PTPRF: variants seen among roughly 807,000 people sequenced by gnomAD.
The protein encoded by PTPRF is protein tyrosine phosphatase receptor type F, also known as receptor-type tyrosine-protein phosphatase F.
A neutral mutation model predicts 201.8 loss-of-function variants in PTPRF; 59 were observed. The observed-to-expected ratio is 0.29, with a 90% CI of 0.24 to 0.36. The LOEUF is 0.36. Ranked by LOEUF, PTPRF falls within the 10% of genes least tolerant of loss-of-function variation. PTPRF has a pLI of 1.00. For synonymous variants in PTPRF, 1,088 were observed against 1,089.7 expected, an observed-to-expected ratio of 1.00 and a Z score of 0.03; for missense variants, 2,132 against 2,690.5, an observed-to-expected ratio of 0.79 and a Z score of 4.59.
At chr1:43,533,999 A>G (rs1643865656) in intron 1 of PTPRF, among the ~76,000 whole-genome samples, 1 of 152,174 alleles carries the variant, frequency 6.6e-6, no homozygotes, top group Non-Finnish European at 1.5e-5. Context: ...GGGTTAGAAC[A>G]TTGCAAGAGT....
rs1379762089 is a variant in PTPRF, at chr1:43,537,679, G to T, written c.-125-519G>T. On this transcript the variant is annotated intron_variant, in intron 1 of 33. Coordinates refer to ENST00000359947, the MANE Select transcript of PTPRF (RefSeq NM_002840.5). This position sits in a 1 kb window ranked among gnomAD's most constrained non-coding sequence, Gnocchi z 4.8. Reference sequence around the variant, plus strand: ...AGGCTTCCCTGAGAAAGTGCCACTGGACTTGAGATCCGAGGGTAAGTTGGC... The same window carrying T: ...AGGCTTCCCTGAGAAAGTGCCACTGTACTTGAGATCCGAGGGTAAGTTGGC... Among the ~76,000 whole-genome samples the T allele has an allele frequency of 6.6e-6, 1 of 152,258 alleles. No individual in the cohort carries two copies. Among genetic ancestry groups the T allele is most frequent in the Admixed American group, 6.5e-5 (1 of 15,282 alleles).
chr1:43,618,663 A>G lies in PTPRF; in HGVS notation c.4405A>G (p.Thr1469Ala), dbSNP rs769260975. ...KCDQYWPARG[T>A]ETCGLIQVTL... ...TGATCAGTACTGGCCAGCCCGTGGCACCGAGACCTGTGGCCTTATTCAGGT... is the reference window on the plus strand; with the variant it reads ...TGATCAGTACTGGCCAGCCCGTGGCGCCGAGACCTGTGGCCTTATTCAGGT... Residue 1469 changes from threonine (T) to alanine (A), a missense_variant, in exon 26 of 34, where the codon ACC becomes GCC. Physicochemically the swap from Thr to Ala is moderately conservative, Grantham distance 58 (BLOSUM62 0). This residue lies in a region of PTPRF where 519 missense variants were observed against 659.5 expected (regional missense o/e 0.79). Transcript: ENST00000359947. 1.9e-6 allele frequency: 3 copies of G among 1,612,388 alleles called. No homozygotes were observed. The highest frequency in any genetic ancestry group is 2.5e-6 in the Non-Finnish European group (3 of 1,178,678).
intron 8 of PTPRF, among the ~76,000 whole-genome samples, chr1:43,590,089 C>T (rs1404448120): frequency 1.3e-5 from 2 of 152,196 alleles, no homozygotes; most frequent in Non-Finnish European, 2.9e-5. Context: ...TGGCTTCCCA[C>T]CCTGTCACGC....
In PTPRF at chr1:43,553,482, T is replaced by C; in HGVS notation, c.92-10T>C. On this transcript the variant is annotated splice_polypyrimidine_tract_variant and intron_variant, in intron 3 of 33. Transcript: ENST00000359947. This position sits in a 1 kb window ranked among gnomAD's most constrained non-coding sequence, Gnocchi z 4.1. ...GTGCTGTGGTGACTTGGTGTCTCCA[T>C]CTCTTCCAGGCAAACCTGTCTTCAT... 6.2e-7 allele frequency: 1 copy of C among 1,613,252 alleles called. No individual in the cohort carries two copies. The highest frequency in any genetic ancestry group is 8.5e-7 in the Non-Finnish European group (1 of 1,179,370).
In PTPRF at chr1:43,603,359, A is replaced by G; in HGVS notation, c.2341-57A>G. The G allele has an allele frequency of 6.7e-7, 1 of 1,502,160 alleles. No individual in the cohort carries two copies. The highest frequency in any genetic ancestry group is 9.3e-7 in the Non-Finnish European group (1 of 1,078,660). The allele number at this position is 1,502,160 out of a possible 1,614,324, so 93.1% of individuals were successfully genotyped here. On this transcript the variant is annotated intron_variant, in intron 14 of 33. Coordinates refer to ENST00000359947, the MANE Select transcript of PTPRF (RefSeq NM_002840.5). The surrounding 1 kb of genome is among the most constrained non-coding windows in gnomAD (Gnocchi z 5.8). ...GGCTAGGGTCCTGAGGTCCCTGACA[A>G]GGTCTGGCCTCTCCCTGCATTCTTG...
intron 3 of PTPRF, among the ~76,000 whole-genome samples, chr1:43,552,215 ATTCTTTGGCC>A (rs1181308199): frequency 2.0e-5 from 3 of 151,912 alleles, no homozygotes; most frequent in Non-Finnish European, 4.4e-5. Flanking sequence ...CCTCCCAGTC[ATTCTTTGGCC>A]TTCTTTGGTC....
intron 11 of PTPRF, among the ~76,000 whole-genome samples, chr1:43,593,403 C>T (rs1487547539): frequency 1.3e-5 from 2 of 152,164 alleles, no homozygotes; most frequent in African/African-American, 4.8e-5. Flanking sequence ...CGGTAGCCCC[C>T]CAGACAGTAG....
Position 43,588,749 on chromosome 1 carries a change from G to A in PTPRF, c.698G>A (p.Arg233His), listed in dbSNP as rs201549619. 3.7e-6 allele frequency: 6 copies of A among 1,613,484 alleles called. No homozygotes were observed. Among genetic ancestry groups the A allele is most frequent in the South Asian group, 2.2e-5 (2 of 91,068 alleles). The change falls in exon 8 of 34, where the codon CGT becomes CAT. Residue 233 changes from arginine (R) to histidine (H), a missense_variant. This residue lies in a region of PTPRF where 297 missense variants were observed against 454.0 expected (regional missense o/e 0.65). Coordinates refer to ENST00000359947, the MANE Select transcript of PTPRF (RefSeq NM_002840.5). This position sits in a 1 kb window ranked among gnomAD's most constrained non-coding sequence, Gnocchi z 5.3. ...LYVRVRRVAP[R>H]FSIPPSSQEV... is the part of the protein sequence containing the mutation. ...CCTGCAGTGCGCCGCGTGGCTCCTC[G>A]TTTCTCCATCCCTCCCAGCAGCCAG... is the stretch of plus-strand genomic sequence containing the variant.
chr1:43,576,561 C>G (rs1646944991), intron 6 of PTPRF, among the ~76,000 whole-genome samples: 1 of 152,248 alleles, frequency 6.6e-6, no homozygotes, highest in Non-Finnish European at 1.5e-5. Flanking sequence ...CAGCAGGGCC[C>G]TGCAGCCTAA....
rs1239648530 is a variant in PTPRF, at chr1:43,619,440, T to C, written c.4799T>C (p.Ile1600Thr). 2 of 1,613,980 alleles carry C rather than the reference T, an allele frequency of 1.2e-6. No individual in the cohort carries two copies. The highest frequency in any genetic ancestry group is 1.7e-6 in the Non-Finnish European group (2 of 1,180,034). ...CAGACGGAGGACCAGTACGTGTTCA[T>C]CCATGAGGCGCTGCTGGAGGCTGCC... ...MVQTEDQYVF[I>T]HEALLEAATC... Residue 1600 changes from isoleucine to threonine, a missense_variant, in exon 28 of 34, where the codon ATC (isoleucine) becomes ACC (threonine). Physicochemically the swap from Ile to Thr is moderately conservative, Grantham distance 89. Coordinates refer to ENST00000359947, the MANE Select transcript of PTPRF (RefSeq NM_002840.5).
intron 20 of PTPRF, 133 bp from the exon 21 acceptor site, chr1:43,606,681 G>A (rs1655201290): frequency 3.8e-6 from 5 of 1,324,846 alleles, no homozygotes; most frequent in Middle Eastern, 4.2e-4. Flanking sequence ...GTCCTGCCAG[G>A]TCCACCTTGT....
In PTPRF at chr1:43,537,219, G is replaced by A. The variant is rs984021702; in HGVS notation, c.-125-979G>A. ...CACCCCCACCCAGGATGGTACCCAC[G>A]CTGGTGGGGACTCAATAATGGCTCT... On this transcript the variant is annotated intron_variant, in intron 1 of 33. Transcript: ENST00000359947. The surrounding 1 kb of genome is among the most constrained non-coding windows in gnomAD (Gnocchi z 4.8). Among the ~76,000 whole-genome samples, 15 of 152,196 alleles carry A rather than the reference G, an allele frequency of 9.9e-5. No individual in the cohort carries two copies. The highest frequency in any genetic ancestry group is 3.1e-4 in the African/African-American group (13 of 41,448).
chr1:43,539,366 C>T (rs1054114866), intron 2 of PTPRF, among the ~76,000 whole-genome samples: 1 of 152,088 alleles, frequency 6.6e-6, no homozygotes, highest in Non-Finnish European at 1.5e-5. Flanking sequence ...GGAATTGGGG[C>T]AGATGAGTTC....
intron 17 of PTPRF, 67 bp from the exon 18 acceptor site, chr1:43,605,123 T>C: frequency 6.3e-7 from 1 of 1,576,214 alleles, no homozygotes; most frequent in Non-Finnish European, 8.6e-7. Context: ...ATCCGTGCAC[T>C]GTGCCTTGCA....
chr1:43,556,716 A>G (rs1222804911), intron 5 of PTPRF, among the ~76,000 whole-genome samples: 1 of 152,212 alleles, frequency 6.6e-6, no homozygotes, highest in Non-Finnish European at 1.5e-5. Flanking sequence ...GTAAATGGAT[A>G]TAATGCCTAC....
chr1:43,609,373 GTC>G lies in PTPRF; in HGVS notation c.3858-4_3858-3del, dbSNP rs1655904132. ...TCAGGTTCTCACCAGCCTCCCTTCT[GTC>G]TCTCTAGGAAAAGGACCCACTCTCC... On this transcript the variant is annotated splice_region_variant and splice_polypyrimidine_tract_variant and intron_variant, in intron 21 of 33. Transcript: ENST00000359947. The G allele has an allele frequency of 2.5e-6, 4 of 1,611,864 alleles. No homozygotes were observed. Among genetic ancestry groups the G allele is most frequent in the African/African-American group, 1.3e-5 (1 of 74,978 alleles).
chr1:43,588,795 C>T lies in PTPRF; in HGVS notation c.744C>T (p.Ser248=), dbSNP rs375369708. 1.2e-6 allele frequency: 2 copies of T among 1,613,992 alleles called. No individual in the cohort carries two copies. The highest frequency in any genetic ancestry group is 1.3e-5 in the African/African-American group (1 of 75,058). The change falls in exon 8 of 34, where the codon AGC becomes AGT. Residue 248 remains serine, a synonymous_variant. Transcript: ENST00000359947. This position sits in a 1 kb window ranked among gnomAD's most constrained non-coding sequence, Gnocchi z 5.3. ...PSSQEVMPGG[S]VNLTCVAVGA... is the part of the protein sequence containing the mutation. ...GCCAGGAGGTGATGCCAGGCGGCAG[C>T]GTGAACCTGACATGCGTGGCAGTGG...
At chr1:43,599,734 G>A (rs1422794408) in intron 13 of PTPRF, among the ~76,000 whole-genome samples, 1 of 85,194 alleles carries the variant, frequency 1.2e-5, no homozygotes, top group Non-Finnish European at 3.3e-5. Flanking sequence ...TTGGAATGCT[G>A]GGGGGTTATG....
chr1:43,621,776 CT>C (rs1659268135), intron 33 of PTPRF, among the ~76,000 whole-genome samples, 158 bp from the exon 34 acceptor site: 1 of 152,174 alleles, frequency 6.6e-6, no homozygotes, highest in African/African-American at 2.4e-5. Flanking sequence ...TTCAGAGGCT[CT>C]TTCAGGCTCC....
Sources: gnomAD v4.1 joint callset for allele counts (sites outside exome capture counted in the v4.1 genomes callset) on GRCh38, gnomAD v4.1.1 for gene constraint, gnomAD v4.1.1 regional missense constraint, Gnocchi (gnomAD v3.1) non-coding constraint, MANE v1.5 for transcripts, NCBI Gene and HGNC (gene_info 2026-07-23, HGNC 2026-07-21) for gene names.